Variants in ELMO1 observed in about 807,000 individuals in gnomAD.
ELMO1 encodes the protein engulfment and cell motility 1.
Under a neutral mutation model 98.9 loss-of-function variants are expected in ELMO1, and 26 were observed. That is an observed-to-expected ratio of 0.26 (90% CI 0.19 to 0.36). The LOEUF (loss-of-function observed/expected upper bound fraction) is 0.36, where lower values mean the gene tolerates loss of function less well. Ranked by LOEUF, ELMO1 falls within the 10% of genes least tolerant of loss-of-function variation. ELMO1 has a pLI of 1.00. For missense variants in ELMO1, 627 were observed against 935.2 expected (o/e 0.67, Z 4.30); for synonymous variants, 346 against 346.0 (o/e 1.00, Z 0.00).
At chr7:36,992,300 A>T (rs1237407629) in intron 16 of ELMO1, among the ~76,000 whole-genome samples, 1 of 152,226 alleles carries the variant, frequency 6.6e-6, no homozygotes, top group Non-Finnish European at 1.5e-5. Flanking sequence ...TTCTTGGGGC[A>T]TCACAGACCT....
chr7:36,967,914 T>C lies in ELMO1; in HGVS notation c.1437+45385A>G, dbSNP rs866184417. Reference sequence around the variant, plus strand: ...ATATATTATGCAGGCATGATTTTTGTATGTGCTTTGCCTGTTATTATAACC... The same window carrying C: ...ATATATTATGCAGGCATGATTTTTGCATGTGCTTTGCCTGTTATTATAACC... On this transcript the variant is annotated intron_variant, in intron 16 of 21. Coordinates refer to ENST00000310758, the MANE Select transcript of ELMO1 (RefSeq NM_014800.11). 6.4e-4 allele frequency among the ~76,000 whole-genome samples: 97 copies of C among 152,350 alleles called. 1 individual carries two copies. The Middle Eastern group carries it at 0.01, about 16-fold the overall frequency.
chr7:37,147,608 T>C (rs1007451195), intron 13 of ELMO1, among the ~76,000 whole-genome samples: 18 of 152,176 alleles, frequency 1.2e-4, no homozygotes, highest in African/African-American at 3.9e-4. Flanking sequence ...GTCAACTTCA[T>C]GTGGCAGCCA....
At chr7:37,122,128 T>C (rs1489841907) in intron 14 of ELMO1, among the ~76,000 whole-genome samples, 3 of 152,194 alleles carry the variant, frequency 2.0e-5, no homozygotes, top group Non-Finnish European at 2.9e-5. Context: ...AAAGAGCTCC[T>C]GAAGGAAGCA....
chr7:37,021,757 T>G (rs1794280783), intron 15 of ELMO1, among the ~76,000 whole-genome samples: 1 of 152,198 alleles, frequency 6.6e-6, no homozygotes, highest in Non-Finnish European at 1.5e-5. Flanking sequence ...GATTCATATG[T>G]TAACCGAGAT....
intron 15 of ELMO1, among the ~76,000 whole-genome samples, chr7:37,055,621 C>T (rs756724935): frequency 3.9e-5 from 6 of 152,150 alleles, no homozygotes; most frequent in Admixed American, 2.6e-4. Flanking sequence ...AGCCCTCCTG[C>T]GGGTGGAAAT....
chr7:37,221,246 A>G (rs1584829656), intron 10 of ELMO1, among the ~76,000 whole-genome samples: 1 of 152,198 alleles, frequency 6.6e-6, no homozygotes, highest in Non-Finnish European at 1.5e-5. Flanking sequence ...ATGAATAAGA[A>G]ATTCTAAATG....
At chr7:37,017,550 G>A (rs991671932) in intron 15 of ELMO1, among the ~76,000 whole-genome samples, 2 of 152,212 alleles carry the variant, frequency 1.3e-5, no homozygotes, top group Non-Finnish European at 2.9e-5. Flanking sequence ...AAAGGGGAAA[G>A]ACTTGGTTGA....
chr7:37,161,902 TC>T (rs1789227757), intron 13 of ELMO1, among the ~76,000 whole-genome samples: 1 of 12,110 alleles, frequency 8.3e-5, no homozygotes. Flanking sequence ...CTTCAGGTAA[TC>T]AAATATATAT....
At chr7:37,409,704 A>G (rs1583706633) in intron 1 of ELMO1, among the ~76,000 whole-genome samples, 3 of 152,378 alleles carry the variant, frequency 2.0e-5, no homozygotes, top group African/African-American at 2.4e-5. Context: ...GCTACACTGC[A>G]GAGCAAGATG....
intron 4 of ELMO1, among the ~76,000 whole-genome samples, chr7:37,285,103 T>C (rs558759718): frequency 4.6e-5 from 7 of 152,304 alleles, no homozygotes; most frequent in African/African-American, 1.7e-4. Context: ...GGCCAGCTGC[T>C]TTCCTCTGAC....
intron 15 of ELMO1, among the ~76,000 whole-genome samples, chr7:37,094,184 T>G (rs1353793963): frequency 1.3e-5 from 2 of 152,182 alleles, no homozygotes; most frequent in African/African-American, 4.8e-5. Flanking sequence ...GCTTTGACAA[T>G]GCCAGGCCTC....
intron 15 of ELMO1, 68 bp downstream of exon 15, chr7:37,096,551 T>C: frequency 7.4e-7 from 1 of 1,357,904 alleles, no homozygotes; most frequent in Admixed American, 1.7e-5. Context: ...TTCACACAGG[T>C]AGGGGCACAA....
chr7:37,151,368 G>T (rs750166445), intron 13 of ELMO1, among the ~76,000 whole-genome samples: 1 of 152,046 alleles, frequency 6.6e-6, no homozygotes, highest in Non-Finnish European at 1.5e-5. Flanking sequence ...GTATGAGGAC[G>T]GCTTCAGCAC....
At chr7:36,900,112 G>A (rs1371349959) in intron 16 of ELMO1, among the ~76,000 whole-genome samples, 1 of 152,216 alleles carries the variant, frequency 6.6e-6, no homozygotes, top group Non-Finnish European at 1.5e-5. Flanking sequence ...AATGCTAAGA[G>A]TGGCACCCAG....
At chr7:36,887,947 CTTCTT>C (rs1236170118) in intron 17 of ELMO1, among the ~76,000 whole-genome samples, 1 of 152,266 alleles carries the variant, frequency 6.6e-6, no homozygotes, top group East Asian at 1.9e-4. Flanking sequence ...TGAAAATTTT[CTTCTT>C]TTATTTTACA....
intron 1 of ELMO1, among the ~76,000 whole-genome samples, chr7:37,350,443 T>A (rs772405969): frequency 1.5e-4 from 23 of 152,316 alleles, no homozygotes; most frequent in Non-Finnish European, 2.9e-4. Context: ...AGGGGACAGC[T>A]GCCAGAAGGA....
chr7:37,129,742 C>T (rs775973075), intron 14 of ELMO1, among the ~76,000 whole-genome samples: 1 of 152,212 alleles, frequency 6.6e-6, no homozygotes, highest in Non-Finnish European at 1.5e-5. Context: ...TGATTTCTCA[C>T]ATTGGTTTTC....
intron 13 of ELMO1, among the ~76,000 whole-genome samples, chr7:37,202,576 C>G (rs1010406563): frequency 6.6e-6 from 1 of 152,192 alleles, no homozygotes; most frequent in African/African-American, 2.4e-5. Flanking sequence ...TTTGGTATAG[C>G]AGCCATTTCA....
intron 16 of ELMO1, chr7:36,985,807 C>T (rs992957184): frequency 2.9e-5 from 19 of 666,632 alleles, no homozygotes; most frequent in Non-Finnish European, 3.4e-5. Flanking sequence ...CTTGAATGCC[C>T]GCTCCTCCAT....
Sources: gnomAD v4.1 joint callset for allele counts (sites outside exome capture counted in the v4.1 genomes callset) on GRCh38, gnomAD v4.1.1 for gene constraint, MANE v1.5 for transcripts, NCBI Gene and HGNC (gene_info 2026-07-23, HGNC 2026-07-21) for gene names.